Variants in GGCX observed in about 807,000 individuals in gnomAD.
GGCX encodes the protein gamma-glutamyl carboxylase, also known as vitamin K-dependent gamma-carboxylase.
In GGCX, 63 loss-of-function variants were observed where a neutral mutation model predicts 88.5. The ratio of observed to expected loss-of-function variants is 0.71; its 90% CI spans 0.58 to 0.88. GGCX has a LOEUF of 0.88. Among genes scored for constraint, GGCX ranks in the 40% least tolerant of loss-of-function variants. The pLI is 0.00. For synonymous variants in GGCX, 368 were observed against 365.8 expected (o/e 1.01, Z -0.07); for missense variants, 805 against 932.9 (o/e 0.86, Z 1.79).
intron 2 of GGCX, among the ~76,000 whole-genome samples, chr2:85,559,893 G>A (rs1271454571): frequency 6.6e-6 from 1 of 152,172 alleles, no homozygotes; most frequent in Non-Finnish European, 1.5e-5. Flanking sequence ...TTCAGGACTA[G>A]TCACATTTTG....
Position 85,549,819 on chromosome 2 carries a change from G to GCC in GGCX, c.*113_*114dup. 4.9e-6 allele frequency: 3 copies of GCC among 616,492 alleles called. No individual in the cohort carries two copies. The highest frequency in any genetic ancestry group is 1.7e-5 in the South Asian group (1 of 57,650). The allele number at this position is 616,492 out of a possible 1,614,324, so 38.2% of individuals were successfully genotyped here. ...GAGTTAAAAACAGCTTTAGAACCCC[G>GCC]CCCCCCCAAAAAAAAAAAAAAAACT... On this transcript the variant is annotated 3_prime_UTR_variant, in exon 15 of 15. Transcript: ENST00000233838.
At chr2:85,556,064 G>GTAA in intron 5 of GGCX, 118 bp downstream of exon 5, 1 of 734,344 alleles carries the variant, frequency 1.4e-6, no homozygotes, top group Non-Finnish European at 2.5e-6. Context: ...CCAGCAAAGG[G>GTAA]TAAAAACTAA....
In GGCX at chr2:85,549,792, C is replaced by T. The variant is rs901843813; in HGVS notation, c.*142G>A. Reference sequence around the variant, plus strand: ...CCTTGGTTCCTCTAAGTTGTAATCTCGGAGTTAAAAACAGCTTTAGAACCC... The same window carrying T: ...CCTTGGTTCCTCTAAGTTGTAATCTTGGAGTTAAAAACAGCTTTAGAACCC... On this transcript the variant is annotated 3_prime_UTR_variant, in exon 15 of 15. Transcript: ENST00000233838. 1.2e-5 allele frequency: 8 copies of T among 657,732 alleles called. No individual in the cohort carries two copies. The highest frequency in any genetic ancestry group is 3.4e-5 in the South Asian group (2 of 58,558). 40.7% of individuals were successfully genotyped at this position (657,732 alleles called of 1,614,324 possible).
Position 85,553,330 on chromosome 2 carries a change from C to CA in GGCX, c.1056dup (p.Gly353TrpfsTer36). The CA allele has an allele frequency of 1.2e-6, 2 of 1,614,236 alleles. No individual in the cohort carries two copies. Among genetic ancestry groups the CA allele is most frequent in the Non-Finnish European group, 1.7e-6 (2 of 1,180,032 alleles). The stretch of plus-strand genomic sequence containing the variant: ...TGATGGCGCAGCCCTGGCTTCTGGC[C>CA]ACTTTTGCCCCGGCTCCTCTTATAC... On this transcript the variant is annotated frameshift_variant, in exon 8 of 15. Transcript: ENST00000233838. LOFTEE classifies it high-confidence loss of function.
At chr2:85,557,686 T>C (rs534555631) in intron 4 of GGCX, among the ~76,000 whole-genome samples, 1 of 152,052 alleles carries the variant, frequency 6.6e-6, no homozygotes, top group African/African-American at 2.4e-5. Flanking sequence ...GTGGGAGGAC[T>C]GCTTGAGCCC....
Position 85,554,214 on chromosome 2 carries a change from T to G in GGCX, c.818A>C (p.Asp273Ala). 6.2e-7 allele frequency: 1 copy of G among 1,613,012 alleles called. No homozygotes were observed. The highest frequency in any genetic ancestry group is 1.1e-5 in the South Asian group (1 of 91,042). Residue 273 changes from aspartate (D) to alanine (A), a missense_variant, in exon 7 of 15, where the codon GAT becomes GCT. Physicochemically the swap from Asp to Ala is moderately radical, Grantham distance 126. Around this residue, in one of 3 missense-constraint regions of GGCX, gnomAD observed 680 missense variants for 763.7 expected, o/e 0.89. Transcript: ENST00000233838. ...GAACAGGCCAATGGATCTTGAGACA[T>G]CAAAAAAGAGCAGGAAACCAGCTGA... Reference protein sequence around the residue: ...DLSAGFLLFFDVSRSIGLFFV... With the variant: ...DLSAGFLLFFAVSRSIGLFFV...
chr2:85,553,585 C>T, intron 7 of GGCX, 88 bp from the exon 8 acceptor site: 5 of 1,294,530 alleles, frequency 3.9e-6, no homozygotes, highest in Non-Finnish European at 5.6e-6. Flanking sequence ...CCCAGGTGTT[C>T]CACTGAAAAG....
Position 85,552,527 on chromosome 2 carries a change from A to G in GGCX, c.1328T>C (p.Met443Thr). 6.2e-7 allele frequency: 1 copy of G among 1,613,910 alleles called. No individual in the cohort carries two copies. Among genetic ancestry groups the G allele is most frequent in the Non-Finnish European group, 8.5e-7 (1 of 1,179,900 alleles). Residue 443 changes from methionine to threonine, a missense_variant, in exon 10 of 15, where the codon ATG becomes ACG. This residue lies in a region of GGCX where 680 missense variants were observed against 763.7 expected (regional missense o/e 0.89). Transcript: ENST00000233838. The part of the protein sequence containing the change: ...QSRRWKDHAD[M>T]LKQYATCLSR... ...CAGGCAAGTGGCATATTGCTTCAGCATGTCTGCATGATCCTTCCATCGCCG... is the reference window on the plus strand; with the variant it reads ...CAGGCAAGTGGCATATTGCTTCAGCGTGTCTGCATGATCCTTCCATCGCCG...
rs985672834 is a variant in GGCX at position 85,546,797 on chromosome 2, T to A, written c.*3137A>T. ...ACTTGTTCCAACTTGAGAACCTGAATTTTGCATGTAATTGAAATGTTCCAG... is the reference window on the plus strand; with the variant it reads ...ACTTGTTCCAACTTGAGAACCTGAAATTTGCATGTAATTGAAATGTTCCAG... On this transcript the variant is annotated 3_prime_UTR_variant, in exon 15 of 15. Transcript: ENST00000233838. 11 of 152,222 alleles carry A rather than the reference T, an allele frequency of 7.2e-5. No homozygotes were observed. The highest frequency in any genetic ancestry group is 2.7e-4 in the African/African-American group (11 of 41,456). The allele number at this position is 152,222 out of a possible 1,614,324, so 9.4% of individuals were successfully genotyped here.
rs78909830 is a variant in GGCX, at chr2:85,549,827, A to C, written c.*107T>G. 0.061 allele frequency: 15,502 copies of C among 253,612 alleles called. 167 individuals are homozygous for C. The highest frequency in any genetic ancestry group is 0.08 in the Middle Eastern group (58 of 726). 15.7% of individuals were successfully genotyped at this position (253,612 alleles called of 1,614,324 possible). ...AACAGCTTTAGAACCCCGCCCCCCC[A>C]AAAAAAAAAAAAAAACTTTTGAGAA... is the stretch of plus-strand genomic sequence containing the variant. On this transcript the variant is annotated 3_prime_UTR_variant, in exon 15 of 15. Transcript: ENST00000233838.
At position 85,558,137 on chromosome 2, in the gene GGCX, C is replaced by T. The variant is rs148154330; in HGVS notation, c.539+303G>A. Among the ~76,000 whole-genome samples the T allele has an allele frequency of 3.5e-3, 526 of 152,342 alleles. 5 individuals carry two copies. Among genetic ancestry groups the T allele is most frequent in the Admixed American group, 0.012 (190 of 15,306 alleles). ...TAACCACCCTTAAAGTATCTGAAAA[C>T]AGCCATGTCTGGCTTTAGTATTCTG... On this transcript the variant is annotated intron_variant, in intron 4 of 14. Coordinates refer to ENST00000233838, the MANE Select transcript of GGCX (RefSeq NM_000821.7).
chr2:85,554,134 G>A lies in GGCX; in HGVS notation c.889+9C>T. 1 of 1,607,344 alleles carries A rather than the reference G, an allele frequency of 6.2e-7. No individual in the cohort carries two copies. The highest frequency in any genetic ancestry group is 8.5e-7 in the Non-Finnish European group (1 of 1,173,776). On this transcript the variant is annotated intron_variant, in intron 7 of 14. Transcript: ENST00000233838. ...GGTTCCTGTTTCCTCCCAGGCTACAGGTACTGACCAATGCTGAAAAGCTGG... is the reference window on the plus strand; with the variant it reads ...GGTTCCTGTTTCCTCCCAGGCTACAAGTACTGACCAATGCTGAAAAGCTGG...
intron 4 of GGCX, among the ~76,000 whole-genome samples, chr2:85,557,230 G>A (rs970780876): frequency 6.6e-6 from 1 of 152,184 alleles, no homozygotes; most frequent in Non-Finnish European, 1.5e-5. Context: ...GGAAAACCCT[G>A]AATAAATGAT....
intron 14 of GGCX, 79 bp from the exon 15 acceptor site, chr2:85,550,205 C>G (rs1691869856): frequency 9.6e-7 from 1 of 1,044,588 alleles, no homozygotes; most frequent in Non-Finnish European, 1.5e-6. Context: ...TTAGAAGGCA[C>G]CTGGTCCTCA....
chr2:85,551,553 A>C lies in GGCX; in HGVS notation c.1667T>G (p.Leu556Arg). 6.2e-7 allele frequency: 1 copy of C among 1,613,962 alleles called. No individual in the cohort carries two copies. The highest frequency in any genetic ancestry group is 8.5e-7 in the Non-Finnish European group (1 of 1,179,856). Reference protein sequence around the residue: ...EDLGNTSIQLLQGEVTVELVA... With the variant: ...EDLGNTSIQLRQGEVTVELVA... ...AAGCTCCACAGTCACTTCCCCCTGC[A>C]GCAGCTGGATGCTAGTGTTGCCCAG... The change falls in exon 12 of 15, where the codon CTG becomes CGG. Residue 556 changes from leucine (L) to arginine (R), a missense_variant. Transcript: ENST00000233838.
intron 4 of GGCX, among the ~76,000 whole-genome samples, chr2:85,556,709 C>A (rs749343837): frequency 6.6e-5 from 10 of 152,104 alleles, no homozygotes; most frequent in Non-Finnish European, 1.3e-4. Context: ...TGCCAGGATC[C>A]AGTATAAGAG....
Position 85,554,315 on chromosome 2 carries a change from A to C in GGCX, c.726-9T>G, listed in dbSNP as rs1406719030. On this transcript the variant is annotated splice_polypyrimidine_tract_variant and intron_variant, in intron 6 of 14. Transcript: ENST00000233838. ...CCTCAGACAACAGCAGTCTGCAAAC[A>C]CATGGAGAAAGTTCAAGCACCAGCC... is the stretch of plus-strand genomic sequence containing the variant. 1 of 1,613,524 alleles carries C rather than the reference A, an allele frequency of 6.2e-7. No homozygotes were observed. Among genetic ancestry groups the C allele is most frequent in the Non-Finnish European group, 8.5e-7 (1 of 1,179,698 alleles).
intron 4 of GGCX, among the ~76,000 whole-genome samples, chr2:85,556,593 G>A (rs1692213438): frequency 6.6e-6 from 1 of 152,116 alleles, no homozygotes; most frequent in Non-Finnish European, 1.5e-5. Context: ...TGTTTGAAAA[G>A]CTATGTATGT....
Position 85,549,848 on chromosome 2 carries a change from G to A in GGCX, c.*86C>T. 2.2e-5 allele frequency: 14 copies of A among 645,602 alleles called. No homozygotes were observed. Among genetic ancestry groups the A allele is most frequent in the East Asian group, 4.0e-5 (1 of 25,110 alleles). 40.0% of individuals were successfully genotyped at this position (645,602 alleles called of 1,614,324 possible). On this transcript the variant is annotated 3_prime_UTR_variant, in exon 15 of 15. Transcript: ENST00000233838. ...CCCCAAAAAAAAAAAAAAAACTTTT[G>A]AGAATTTTTTTCAAATAAATGTCCA...
Sources: allele counts gnomAD v4.1 joint callset (sites outside exome capture counted in the v4.1 genomes callset), GRCh38; gene constraint gnomAD v4.1.1; regional missense constraint gnomAD v4.1.1; transcripts MANE v1.5; gene names NCBI Gene and HGNC (gene_info 2026-07-23, HGNC 2026-07-21).